Variants in RBMS3 observed in about 807,000 individuals in gnomAD.
The protein encoded by RBMS3 is RNA binding motif single stranded interacting protein 3, also known as RNA-binding motif, single-stranded-interacting protein 3.
Under a neutral mutation model 66.8 loss-of-function variants are expected in RBMS3, and 27 were observed. The observed-to-expected ratio is 0.40, with a 90% CI of 0.30 to 0.56. RBMS3 has a LOEUF of 0.56. Among genes scored for constraint, RBMS3 ranks in the 20% least tolerant of loss-of-function variants. The pLI, the probability that RBMS3 is intolerant of heterozygous loss-of-function variation, is 0.40. For missense variants in RBMS3, 513 were observed against 549.5 expected (o/e 0.93, Z 0.66); for synonymous variants, 188 against 183.0 (o/e 1.03, Z -0.22).
At chr3:29,623,458 G>T (rs1315067855) in intron 4 of RBMS3, among the ~76,000 whole-genome samples, 1 of 151,910 alleles carries the variant, frequency 6.6e-6, no homozygotes, top group African/African-American at 2.4e-5. Context: ...CAGGCGTGGT[G>T]GCGGGCGCCT....
At chr3:29,757,039 T>C (rs2055448465) in intron 5 of RBMS3, among the ~76,000 whole-genome samples, 1 of 152,174 alleles carries the variant, frequency 6.6e-6, no homozygotes, top group Non-Finnish European at 1.5e-5. Context: ...GCTCAATCTC[T>C]GGCCCCTCTC....
chr3:29,752,490 C>T (rs144806419), intron 5 of RBMS3, among the ~76,000 whole-genome samples: 57 of 152,272 alleles, frequency 3.7e-4, no homozygotes, highest in African/African-American at 1.4e-3. Context: ...ATTTCCCTGC[C>T]TCCTGTCTGT....
chr3:29,853,790 C>G (rs1360611506), intron 6 of RBMS3, among the ~76,000 whole-genome samples: 3 of 152,104 alleles, frequency 2.0e-5, no homozygotes, highest in African/African-American at 4.8e-5. Context: ...AGCTTTGGCT[C>G]TTTGGGTGGT....
rs1457655 is a variant in RBMS3, at chr3:29,589,227, C to A, written c.399+2022C>A. ...ATCCCTCTTTCTCTCTCTCTCTTAC[C>A]CACTCCCCCGCACCCTCTGACTCTT... On this transcript the variant is annotated intron_variant, in intron 4 of 14. Coordinates refer to ENST00000383767, the MANE Select transcript of RBMS3 (RefSeq NM_001003793.3). Among the ~76,000 whole-genome samples the A allele has an allele frequency of 6.8e-3, 1,036 of 152,140 alleles. 29 individuals are homozygous for A. Among genetic ancestry groups the A allele is most frequent in the Admixed American group, 0.055 (834 of 15,252 alleles).
intron 4 of RBMS3, among the ~76,000 whole-genome samples, chr3:29,593,494 G>C (rs1285114519): frequency 1.3e-5 from 2 of 151,486 alleles, no homozygotes; most frequent in Non-Finnish European, 2.9e-5. Flanking sequence ...CAGGCGATTC[G>C]AGAGTTGTTT....
chr3:29,292,500 G>A lies in RBMS3; in HGVS notation c.75+10744G>A, dbSNP rs367616453. Among the ~76,000 whole-genome samples, 100 of 151,802 alleles carry A rather than the reference G, an allele frequency of 6.6e-4. 2 individuals are homozygous for A. The South Asian group carries it at 0.01, about 15-fold the overall frequency. ...CTGAGATACATTGACAGTATATTAC[G>A]CAAGTTAGCTATCTACTCTCTTTTT... On this transcript the variant is annotated intron_variant, in intron 1 of 14. Coordinates refer to ENST00000383767, the MANE Select transcript of RBMS3 (RefSeq NM_001003793.3).
intron 1 of RBMS3, among the ~76,000 whole-genome samples, chr3:29,390,041 G>T (rs781011452): frequency 2.6e-5 from 4 of 152,108 alleles, no homozygotes; most frequent in Non-Finnish European, 5.9e-5. Context: ...TGTGCTGATG[G>T]AGATAAAAGA....
intron 4 of RBMS3, among the ~76,000 whole-genome samples, chr3:29,686,841 T>G (rs1321132268): frequency 6.6e-6 from 1 of 152,198 alleles, no homozygotes; most frequent in Admixed American, 6.5e-5. Context: ...TATTGTTTAT[T>G]TTTTTCTTCA....
intron 2 of RBMS3, among the ~76,000 whole-genome samples, chr3:29,450,999 T>G (rs1385095551): frequency 6.6e-6 from 1 of 151,940 alleles, no homozygotes; most frequent in Non-Finnish European, 1.5e-5. Context: ...TGTAATTTCC[T>G]CAAAGGTAGG....
intron 4 of RBMS3, among the ~76,000 whole-genome samples, chr3:29,678,597 C>A (rs1418528248): frequency 1.3e-5 from 2 of 152,086 alleles, no homozygotes; most frequent in Non-Finnish European, 2.9e-5. Context: ...GGAAGAGTCA[C>A]CCACTTGTGA....
chr3:29,967,350 T>C (rs1320073404), intron 12 of RBMS3, among the ~76,000 whole-genome samples: 1 of 152,136 alleles, frequency 6.6e-6, no homozygotes, highest in Non-Finnish European at 1.5e-5. Context: ...ATTTTTGTTT[T>C]TGAGACAGTC....
At chr3:29,390,008 A>T (rs1045585828) in intron 1 of RBMS3, among the ~76,000 whole-genome samples, 1 of 152,176 alleles carries the variant, frequency 6.6e-6, no homozygotes, top group Admixed American at 6.5e-5. Flanking sequence ...TGATGGCTTT[A>T]GTAGGGATTG....
chr3:29,472,259 G>A (rs937422851), intron 2 of RBMS3, among the ~76,000 whole-genome samples: 4 of 150,192 alleles, frequency 2.7e-5, no homozygotes, highest in Admixed American at 6.6e-5. Flanking sequence ...GTGCAATGGC[G>A]TGATCTTGGC....
chr3:29,833,107 C>A (rs1420033859), intron 6 of RBMS3, among the ~76,000 whole-genome samples: 2 of 152,110 alleles, frequency 1.3e-5, no homozygotes, highest in African/African-American at 4.8e-5. Context: ...TGGCATGGAG[C>A]AGATGTATCC....
At chr3:29,803,989 A>C (rs1324903933) in intron 6 of RBMS3, among the ~76,000 whole-genome samples, 1 of 152,030 alleles carries the variant, frequency 6.6e-6, no homozygotes. Context: ...ATTTTATAAA[A>C]ATCATACAAA....
intron 1 of RBMS3, among the ~76,000 whole-genome samples, chr3:29,351,496 C>A (rs1172045522): frequency 6.6e-6 from 1 of 152,084 alleles, no homozygotes; most frequent in South Asian, 2.1e-4. Flanking sequence ...TATATATCTA[C>A]TTCATTACAA....
chr3:29,672,436 A>G (rs186882138), intron 4 of RBMS3, among the ~76,000 whole-genome samples: 4 of 152,292 alleles, frequency 2.6e-5, no homozygotes, highest in East Asian at 1.9e-4. Context: ...ACACATAACA[A>G]TATTAACCTT....
intron 1 of RBMS3, among the ~76,000 whole-genome samples, chr3:29,312,825 CTG>C (rs2034461419): frequency 6.6e-6 from 1 of 151,638 alleles, no homozygotes; most frequent in Non-Finnish European, 1.5e-5. Context: ...TCCCTGGAAA[CTG>C]TGGACTTTAG....
chr3:29,898,369 G>T (rs1297522839), intron 9 of RBMS3, among the ~76,000 whole-genome samples: 1 of 151,616 alleles, frequency 6.6e-6, no homozygotes, highest in Admixed American at 6.6e-5. Flanking sequence ...GAATTTTGCA[G>T]CTGGTGGGGG....
Sources: gnomAD v4.1 joint callset for allele counts (sites outside exome capture counted in the v4.1 genomes callset) on GRCh38, gnomAD v4.1.1 for gene constraint, MANE v1.5 for transcripts, NCBI Gene and HGNC (gene_info 2026-07-23, HGNC 2026-07-21) for gene names.